The following SYN2 variants were observed in gnomAD, a reference collection of about 807,000 sequenced individuals.
SYN2 encodes the protein synapsin II, also known as synapsin-2.
A neutral mutation model predicts 50.9 loss-of-function variants in SYN2; 19 were observed. The observed-to-expected ratio is 0.37, with a 90% CI of 0.26 to 0.55. SYN2 has a LOEUF of 0.55. Among genes scored for constraint, SYN2 ranks in the 20% least tolerant of loss-of-function variants. SYN2 has a pLI of 0.81. For synonymous variants in SYN2, 255 were observed against 224.9 expected (o/e 1.13, Z -1.20); for missense variants, 587 against 576.4 (o/e 1.02, Z -0.19).
chr3:12,189,801 AAAAAAC>A (rs1011875620), intron 12 of SYN2, among the ~76,000 whole-genome samples: 5 of 152,182 alleles, frequency 3.3e-5, no homozygotes, highest in Admixed American at 1.3e-4. Context: ...CTGTCTCAAA[AAAAAAC>A]AAAACAAAAC....
At chr3:12,026,877 G>A (rs1170630083) in intron 1 of SYN2, among the ~76,000 whole-genome samples, 2 of 152,238 alleles carry the variant, frequency 1.3e-5, no homozygotes, top group African/African-American at 4.8e-5. Flanking sequence ...ACACAGCAGT[G>A]TTTGGATGTT....
At chr3:12,081,478 ACT>A (rs1491293027) in intron 1 of SYN2, among the ~76,000 whole-genome samples, 1 of 151,368 alleles carries the variant, frequency 6.6e-6, no homozygotes, top group Non-Finnish European at 1.5e-5. Flanking sequence ...CCCTTAATTT[ACT>A]TTTTTTTTTG....
intron 5 of SYN2, among the ~76,000 whole-genome samples, chr3:12,159,881 A>G (rs1697596857): frequency 6.6e-6 from 1 of 151,480 alleles, no homozygotes; most frequent in African/African-American, 2.4e-5. Context: ...CGTCCCTACT[A>G]AAAATACAAA....
intron 1 of SYN2, among the ~76,000 whole-genome samples, chr3:12,063,317 T>C (rs1695151144): frequency 6.6e-6 from 1 of 151,830 alleles, no homozygotes; most frequent in African/African-American, 2.4e-5. Context: ...CTCACTGAAA[T>C]GAATGAGGGA....
At position 12,161,553 on chromosome 3, in the gene SYN2, T is replaced by G. The variant is rs1559447784; in HGVS notation, c.782T>G (p.Leu261Arg). 16 of 1,614,026 alleles carry G rather than the reference T, an allele frequency of 9.9e-6. No homozygotes were observed. The highest frequency in any genetic ancestry group is 1.4e-5 in the Non-Finnish European group (16 of 1,179,878). ...YYPNHKEMLTLPTFPVVVKIG... is the reference protein window; with the variant it reads ...YYPNHKEMLTRPTFPVVVKIG... ...TTTCTCTTCTGATTTCAGCTGACAC[T>G]GCCCACGTTCCCTGTGGTGGTGAAG... Residue 261 changes from leucine to arginine, a missense_variant, in exon 6 of 13, where the codon CTG becomes CGG. Transcript: ENST00000621198.
chr3:12,187,609 T>C lies in SYN2; in HGVS notation c.1610T>C (p.Leu537Pro). The stretch of plus-strand genomic sequence containing the variant: ...CAGAAGCCCCAGCCTCACCCACAGC[T>C]CAAGTAAGAGACAACTCAGCAGCTC... ...PPQKPQPHPQ[L>P]NKSQSLTNAF... Residue 537 changes from leucine to proline, a missense_variant, in exon 12 of 13, where the codon CTC becomes CCC. Leu to Pro is a moderately conservative substitution (Grantham distance 98, BLOSUM62 -3). Coordinates refer to ENST00000621198, the MANE Select transcript of SYN2 (RefSeq NM_133625.6). The C allele has an allele frequency of 6.5e-7, 1 of 1,545,792 alleles. No homozygotes were observed. The highest frequency in any genetic ancestry group is 8.8e-7 in the Non-Finnish European group (1 of 1,142,100).
chr3:12,163,292 A>G (rs1697702107), intron 7 of SYN2, among the ~76,000 whole-genome samples: 1 of 151,464 alleles, frequency 6.6e-6, no homozygotes, highest in South Asian at 2.1e-4. Context: ...TTCTTTACAA[A>G]GAAAGAACAT....
chr3:12,070,783 G>A (rs1695335541), intron 1 of SYN2: 1 of 656,416 alleles, frequency 1.5e-6, no homozygotes, highest in Non-Finnish European at 2.8e-6. Flanking sequence ...CCTGGCTGGT[G>A]GGGACCTGAC....
intron 1 of SYN2, among the ~76,000 whole-genome samples, chr3:12,118,673 T>G (rs150466784): frequency 9.7e-4 from 147 of 152,324 alleles, no homozygotes; most frequent in Middle Eastern, 3.4e-3. Flanking sequence ...TGAAGAAGTT[T>G]AGGGGGTCCA....
chr3:12,076,312 T>C (rs1553612901), intron 1 of SYN2, among the ~76,000 whole-genome samples: 1 of 152,112 alleles, frequency 6.6e-6, no homozygotes, highest in Non-Finnish European at 1.5e-5. Context: ...TGCTTGTCCC[T>C]GTGAGCCATG....
chr3:12,090,385 A>G (rs1020934908), intron 1 of SYN2, among the ~76,000 whole-genome samples: 1 of 152,198 alleles, frequency 6.6e-6, no homozygotes, highest in Non-Finnish European at 1.5e-5. Flanking sequence ...ACAAACACTA[A>G]GTTAATGTAA....
chr3:12,034,045 C>T (rs1035988106), intron 1 of SYN2, among the ~76,000 whole-genome samples: 5 of 152,088 alleles, frequency 3.3e-5, no homozygotes, highest in African/African-American at 1.2e-4. Flanking sequence ...TAGGTATATC[C>T]CTAGGAGTGG....
intron 5 of SYN2, 110 bp from the exon 6 acceptor site, chr3:12,161,436 C>A: frequency 2.5e-6 from 3 of 1,192,034 alleles, no homozygotes; most frequent in Non-Finnish European, 3.6e-6. Flanking sequence ...GTAGATTGGA[C>A]TAGTTCTTTA....
At chr3:12,160,788 T>G (rs1218465586) in intron 5 of SYN2, among the ~76,000 whole-genome samples, 1 of 152,222 alleles carries the variant, frequency 6.6e-6, no homozygotes, top group African/African-American at 2.4e-5. Flanking sequence ...CAATATTACT[T>G]CTTACATCAC....
chr3:12,106,130 C>CTATAA (rs1428775752), intron 1 of SYN2, among the ~76,000 whole-genome samples: 1 of 152,056 alleles, frequency 6.6e-6, no homozygotes, highest in Non-Finnish European at 1.5e-5. Flanking sequence ...GACTAAGATC[C>CTATAA]CTGTTTCCGT....
intron 5 of SYN2, chr3:12,157,038 G>T: frequency 1.2e-6 from 1 of 807,220 alleles, no homozygotes; most frequent in Non-Finnish European, 2.0e-6. Context: ...GTAAGCAAAA[G>T]TCTAGTTGAG....
chr3:12,115,811 G>A (rs1559425992), intron 1 of SYN2, among the ~76,000 whole-genome samples: 1 of 152,152 alleles, frequency 6.6e-6, no homozygotes, highest in South Asian at 2.1e-4. Flanking sequence ...GTAGCATATA[G>A]TAGGCATTCT....
intron 7 of SYN2, among the ~76,000 whole-genome samples, chr3:12,163,680 A>AT (rs996741151): frequency 3.3e-5 from 5 of 151,928 alleles, no homozygotes; most frequent in African/African-American, 9.7e-5. Context: ...GAGGCATAGA[A>AT]TTTTTTTTTA....
At chr3:12,027,049 T>G (rs1433605273) in intron 1 of SYN2, among the ~76,000 whole-genome samples, 1 of 152,218 alleles carries the variant, frequency 6.6e-6, no homozygotes, top group Non-Finnish European at 1.5e-5. Context: ...GGGGAGGCTC[T>G]GCTGATAGGC....
Sources: gnomAD v4.1 joint callset for allele counts (sites outside exome capture counted in the v4.1 genomes callset) on GRCh38, gnomAD v4.1.1 for gene constraint, MANE v1.5 for transcripts, NCBI Gene and HGNC (gene_info 2026-07-23, HGNC 2026-07-21) for gene names.